HTR2C: variants seen among roughly 807,000 people sequenced by gnomAD.
HTR2C encodes 5-hydroxytryptamine (serotonin) receptor 2C, G protein-coupled.
In HTR2C, 5 loss-of-function variants were observed where a neutral mutation model predicts 21.0. That is an observed-to-expected ratio of 0.24 (90% CI 0.12 to 0.50). HTR2C has a LOEUF of 0.50. Ranked by LOEUF, HTR2C falls within the 20% of genes least tolerant of loss-of-function variation. The pLI is 0.98. For missense variants in HTR2C, 271 were observed against 371.2 expected (o/e 0.73, Z 2.22); for synonymous variants, 150 against 145.3 (o/e 1.03, Z -0.23).
intron 2 of HTR2C, among the ~76,000 whole-genome samples, chrX:114,699,004 G>A (rs1301496781): frequency 9.0e-6 from 1 of 111,579 alleles, no homozygotes; most frequent in African/African-American, 3.3e-5. Context: ...TGTGTTGCCT[G>A]AAATTAAAAG....
chrX:114,599,093 T>C (rs1556393585), intron 1 of HTR2C, among the ~76,000 whole-genome samples: 1 of 111,737 alleles, frequency 8.9e-6, no homozygotes, highest in Admixed American at 9.6e-5. Context: ...GAGAATCATG[T>C]CATGCTTAAT....
At chrX:114,622,290 C>T (rs781834282) in intron 2 of HTR2C, among the ~76,000 whole-genome samples, 12 of 111,033 alleles carry the variant, frequency 1.1e-4, no homozygotes, top group Admixed American at 1.9e-4. Flanking sequence ...TAGGAATACA[C>T]GCTGAGGGGT....
intron 2 of HTR2C, among the ~76,000 whole-genome samples, chrX:114,699,378 T>C (rs1007742784): frequency 4.0e-4 from 45 of 111,350 alleles, no homozygotes; most frequent in African/African-American, 1.5e-3. Context: ...CATAGCTTCC[T>C]GCCCCTTCCC....
rs2071239579 is a variant in HTR2C at position 114,888,830 on chromosome X, A to G, written c.551-17759A>G. Reference sequence around the variant, plus strand: ...CTTCACGTGGTCATGCCAAAAGTGGACCTCACTTCATCTTTTTTTATGTCT... The same window carrying G: ...CTTCACGTGGTCATGCCAAAAGTGGGCCTCACTTCATCTTTTTTTATGTCT... On this transcript the variant is annotated intron_variant, in intron 5 of 5. Transcript: ENST00000276198. Among the ~76,000 whole-genome samples the G allele has an allele frequency of 3.6e-5, 4 of 111,557 alleles. No homozygotes were observed. In the South Asian group the frequency reaches 1.5e-3, roughly 41 times the overall value.
intron 1 of HTR2C, among the ~76,000 whole-genome samples, chrX:114,601,147 CTCTT>C (rs1162681398): frequency 1.8e-5 from 2 of 111,819 alleles, no homozygotes; most frequent in Admixed American, 1.9e-4. Context: ...AGCTTTTAAA[CTCTT>C]TCTTTTTTTT....
chrX:114,621,127 T>C (rs1556401619), intron 2 of HTR2C, among the ~76,000 whole-genome samples: 3 of 112,276 alleles, frequency 2.7e-5, no homozygotes, highest in Non-Finnish European at 1.9e-5. Context: ...GTGTTCCACC[T>C]GTCTCAGCCT....
intron 4 of HTR2C, among the ~76,000 whole-genome samples, chrX:114,735,852 C>T (rs1157149387): frequency 1.8e-5 from 2 of 111,544 alleles, no homozygotes; most frequent in African/African-American, 3.3e-5. Flanking sequence ...TGGTGGCTCA[C>T]GCCTGTAATC....
intron 2 of HTR2C, among the ~76,000 whole-genome samples, chrX:114,624,949 TG>T (rs1365403928): frequency 8.9e-6 from 1 of 111,745 alleles, no homozygotes. Flanking sequence ...TATAAAACAG[TG>T]CATATTGATA....
intron 2 of HTR2C, among the ~76,000 whole-genome samples, chrX:114,725,951 G>T (rs2147339544): frequency 1.8e-5 from 2 of 109,221 alleles, no homozygotes; most frequent in East Asian, 5.9e-4. Flanking sequence ...GTCTGCAGAG[G>T]TTACTGCTGT....
intron 2 of HTR2C, among the ~76,000 whole-genome samples, chrX:114,648,185 C>T (rs1930430269): frequency 9.0e-6 from 1 of 111,167 alleles, no homozygotes. Context: ...CCTATTTGTT[C>T]AGATTCCCCT....
rs1451669216 is a variant in HTR2C at position 114,718,234 on chromosome X, C to T, written c.-79-8624C>T. ...GCAGAGATGGCGTCTTGCTCTGTCC[C>T]ATAGTTTTTAACTTATTTTTTAAAA... On this transcript the variant is annotated intron_variant, in intron 2 of 5. Transcript: ENST00000276198. Among the ~76,000 whole-genome samples, 4 of 39,830 alleles carry T rather than the reference C, an allele frequency of 1.0e-4. 1 individual carries two copies. The highest frequency in any genetic ancestry group is 1.8e-4 in the Non-Finnish European group (3 of 16,514). The allele number at this position is 39,830 out of a possible 115,157, so 34.6% of individuals were successfully genotyped here.
intron 2 of HTR2C, among the ~76,000 whole-genome samples, chrX:114,681,771 G>C: frequency 9.0e-6 from 1 of 111,303 alleles, no homozygotes; most frequent in East Asian, 2.8e-4. Context: ...TGCTGAAAAA[G>C]ACTAACCTTA....
chrX:114,829,640 TTAAATTTTG>T (rs1384761076), intron 4 of HTR2C, among the ~76,000 whole-genome samples: 1 of 111,505 alleles, frequency 9.0e-6, no homozygotes, highest in Non-Finnish European at 1.9e-5. Flanking sequence ...CCATTTTGAG[TTAAATTTTG>T]TGTATGTTGT....
At chrX:114,638,854 C>T (rs1166764149) in intron 2 of HTR2C, among the ~76,000 whole-genome samples, 1 of 108,027 alleles carries the variant, frequency 9.3e-6, no homozygotes, top group Non-Finnish European at 1.9e-5. Flanking sequence ...AGGACATGAA[C>T]TCATCATTTT....
intron 2 of HTR2C, among the ~76,000 whole-genome samples, chrX:114,708,648 T>A (rs782316807): frequency 4.8e-4 from 53 of 109,494 alleles, no homozygotes; most frequent in South Asian, 1.6e-3. Context: ...TAAAAAAAAT[T>A]TTTTTTAAAT....
At chrX:114,875,440 T>C (rs1187576690) in intron 5 of HTR2C, among the ~76,000 whole-genome samples, 1 of 112,023 alleles carries the variant, frequency 8.9e-6, no homozygotes, top group African/African-American at 3.2e-5. Flanking sequence ...TTTTGCTTAT[T>C]TATGTTACCT....
At chrX:114,813,240 G>T (rs191064030) in intron 4 of HTR2C, among the ~76,000 whole-genome samples, 42 of 111,926 alleles carry the variant, frequency 3.8e-4, no homozygotes, top group African/African-American at 1.3e-3. Context: ...GGAAATTTTT[G>T]ATAACAATTT....
intron 2 of HTR2C, among the ~76,000 whole-genome samples, chrX:114,615,397 A>G (rs1425431801): frequency 8.9e-6 from 1 of 112,092 alleles, no homozygotes; most frequent in Non-Finnish European, 1.9e-5. Context: ...AGGGACGTTC[A>G]AAAAGTATAA....
Position 114,600,579 on chromosome X carries a change from C to A in HTR2C, c.-146-13236C>A, listed in dbSNP as rs188173613. Reference sequence around the variant, plus strand: ...TGAAATAGGAAAATAAAAGGTGAATCACAATATTTAAAAAATATTAAAAAT... The same window carrying A: ...TGAAATAGGAAAATAAAAGGTGAATAACAATATTTAAAAAATATTAAAAAT... On this transcript the variant is annotated intron_variant, in intron 1 of 5. Coordinates refer to ENST00000276198, the MANE Select transcript of HTR2C (RefSeq NM_000868.4). Among the ~76,000 whole-genome samples the A allele has an allele frequency of 6.3e-4, 70 of 110,461 alleles. 1 individual carries two copies. Among genetic ancestry groups the A allele is most frequent in the African/African-American group, 2.2e-3 (67 of 30,489 alleles).
Sources: allele counts gnomAD v4.1 joint callset (sites outside exome capture counted in the v4.1 genomes callset), GRCh38; gene constraint gnomAD v4.1.1; transcripts MANE v1.5; gene names NCBI Gene and HGNC (gene_info 2026-07-23, HGNC 2026-07-21).